TIAM2: variants seen among roughly 807,000 people sequenced by gnomAD.
TIAM2 encodes TIAM Rac1 associated GEF 2.
A neutral mutation model predicts 152.9 loss-of-function variants in TIAM2; 80 were observed. That is an observed-to-expected ratio of 0.52 (90% CI 0.44 to 0.63). The LOEUF (loss-of-function observed/expected upper bound fraction) is 0.63. Ranked by LOEUF, TIAM2 falls within the 30% of genes least tolerant of loss-of-function variation. The probability of loss-of-function intolerance (pLI) is 0.00; values close to 1 mark genes in which losing one functional copy is unlikely to be tolerated. For missense variants in TIAM2, 1,965 were observed against 2,120.1 expected, an observed-to-expected ratio of 0.93 and a Z score of 1.44; for synonymous variants, 804 against 838.0, an observed-to-expected ratio of 0.96 and a Z score of 0.70.
chr6:155,130,137 AT>A lies in TIAM2; in HGVS notation c.915del (p.Asp305GlufsTer25). On this transcript the variant is annotated frameshift_variant, in exon 4 of 27. Transcript: ENST00000682666. LOFTEE classifies it high-confidence loss of function. The part of the protein sequence containing the change: ...SLSSLRELYK[D>X]ANLGSLSPSG... ...TCCTCCCTCCGGGAACTGTACAAAG[AT>A]GCCAACCTGGGGAGCCTCTCCCCCT... 6.2e-7 allele frequency: 1 copy of A among 1,614,156 alleles called. No individual in the cohort carries two copies. Among genetic ancestry groups the A allele is most frequent in the Non-Finnish European group, 8.5e-7 (1 of 1,180,032 alleles).
intron 2 of TIAM2, among the ~76,000 whole-genome samples, chr6:155,101,031 C>A (rs1188895068): frequency 6.6e-6 from 1 of 152,146 alleles, no homozygotes; most frequent in Non-Finnish European, 1.5e-5. Flanking sequence ...TTCAGCATCA[C>A]ACGTGGGAGG....
chr6:155,031,902 A>T (rs1472108906), intron 1 of TIAM2, among the ~76,000 whole-genome samples: 2 of 152,192 alleles, frequency 1.3e-5, no homozygotes, highest in African/African-American at 2.4e-5. Flanking sequence ...GGGAACAAAA[A>T]GCACATTGTC....
At chr6:155,166,861 G>A (rs1346036574) in intron 9 of TIAM2, among the ~76,000 whole-genome samples, 2 of 152,202 alleles carry the variant, frequency 1.3e-5, no homozygotes, top group African/African-American at 2.4e-5. Context: ...CAGGTGAATA[G>A]GGAAATTGTT....
intron 15 of TIAM2, among the ~76,000 whole-genome samples, chr6:155,238,429 CACGTTTTCAGTT>C (rs1180281973): frequency 6.6e-6 from 1 of 152,206 alleles, no homozygotes; most frequent in Non-Finnish European, 1.5e-5. Flanking sequence ...AAGTTGCCTC[CACGTTTTCAGTT>C]ATGTTTTCAG....
chr6:155,251,263 G>A (rs914060407), intron 22 of TIAM2, among the ~76,000 whole-genome samples: 4 of 152,250 alleles, frequency 2.6e-5, no homozygotes, highest in Middle Eastern at 3.4e-3. Flanking sequence ...AGATCCCTGC[G>A]GCTATTTTGA....
chr6:155,251,893 T>C, intron 22 of TIAM2, 52 bp from the exon 23 acceptor site: 1 of 1,438,038 alleles, frequency 7.0e-7, no homozygotes, highest in Non-Finnish European at 9.7e-7. Context: ...TAGTTTAACC[T>C]TGGAAGAGTT....
chr6:155,141,370 CT>C (rs1449328199), intron 5 of TIAM2, among the ~76,000 whole-genome samples: 2 of 147,946 alleles, frequency 1.4e-5, no homozygotes, highest in Non-Finnish European at 3.0e-5. Flanking sequence ...TTGGTTTAAT[CT>C]TAGTTAAAAA....
chr6:155,098,341 C>T (rs985049269), intron 2 of TIAM2, among the ~76,000 whole-genome samples: 1 of 152,062 alleles, frequency 6.6e-6, no homozygotes, highest in African/African-American at 2.4e-5. Context: ...AATGTGTCCT[C>T]TTTGGTTTAT....
intron 1 of TIAM2, among the ~76,000 whole-genome samples, chr6:155,088,847 T>C (rs920993126): frequency 1.3e-5 from 2 of 152,232 alleles, no homozygotes; most frequent in African/African-American, 4.8e-5. Flanking sequence ...AGTGTTGATG[T>C]ATTTTAGATG....
intron 2 of TIAM2, among the ~76,000 whole-genome samples, chr6:155,111,499 T>C (rs1339975919): frequency 6.6e-6 from 1 of 152,114 alleles, no homozygotes; most frequent in Non-Finnish European, 1.5e-5. Context: ...AAAATAGAAA[T>C]TACAAGACAA....
chr6:155,151,706 G>A (rs1254309434), intron 7 of TIAM2, among the ~76,000 whole-genome samples: 1 of 152,152 alleles, frequency 6.6e-6, no homozygotes, highest in East Asian at 1.9e-4. Context: ...AAGGTGTCAG[G>A]CAGTGGAGTG....
chr6:155,182,373 A>C, intron 13 of TIAM2, 55 bp downstream of exon 13: 1 of 1,395,194 alleles, frequency 7.2e-7, no homozygotes, highest in Non-Finnish European at 1.0e-6. Context: ...TGTGGGATAC[A>C]GTCTGGCTAG....
chr6:155,128,444 T>C (rs1779350398), intron 3 of TIAM2, among the ~76,000 whole-genome samples: 1 of 152,174 alleles, frequency 6.6e-6, no homozygotes, highest in African/African-American at 2.4e-5. Flanking sequence ...CTCAAAATAC[T>C]GTGGAGAGAT....
intron 19 of TIAM2, among the ~76,000 whole-genome samples, chr6:155,247,593 G>A (rs1292862072): frequency 2.0e-5 from 3 of 152,256 alleles, no homozygotes; most frequent in Non-Finnish European, 4.4e-5. Context: ...CTCCCAAAGT[G>A]CTGGGATTAC....
At chr6:155,237,525 C>T (rs1190031861) in intron 15 of TIAM2, among the ~76,000 whole-genome samples, 1 of 152,252 alleles carries the variant, frequency 6.6e-6, no homozygotes, top group Non-Finnish European at 1.5e-5. Flanking sequence ...TTCTGCACTG[C>T]CCTAGTGGAG....
chr6:155,247,954 T>A, intron 19 of TIAM2, 46 bp from the exon 20 acceptor site: 1 of 1,563,450 alleles, frequency 6.4e-7, no homozygotes. Context: ...AGAATTTAAT[T>A]CACCCCACTG....
At chr6:155,127,322 A>G (rs1779317733) in intron 2 of TIAM2, among the ~76,000 whole-genome samples, 168 bp from the exon 3 acceptor site, 1 of 152,170 alleles carries the variant, frequency 6.6e-6, no homozygotes, top group Non-Finnish European at 1.5e-5. Flanking sequence ...TCTGGCTTCA[A>G]ATGACCCTGA....
Position 155,114,046 on chromosome 6 carries a change from T to A in TIAM2, c.-117-13444T>A, listed in dbSNP as rs1448663691. 2.4e-3 allele frequency among the ~76,000 whole-genome samples: 147 copies of A among 61,916 alleles called. 1 individual carries two copies. Among genetic ancestry groups the A allele is most frequent in the African/African-American group, 6.9e-3 (94 of 13,638 alleles). The allele number at this position is 61,916 out of a possible 152,430, so 40.6% of individuals were successfully genotyped here. A position where few individuals can be genotyped will look rare whatever the true frequency, so the allele number is the denominator to read the frequency against. On this transcript the variant is annotated intron_variant, in intron 2 of 26. Transcript: ENST00000682666. ...TATATATATATATATATTTTTTTTT[T>A]TTTCTTTTTTTTTTTTTTTTTTTTT...
At chr6:155,090,954 A>C (rs1325666181) in intron 2 of TIAM2, among the ~76,000 whole-genome samples, 1 of 152,126 alleles carries the variant, frequency 6.6e-6, no homozygotes, top group Non-Finnish European at 1.5e-5. Flanking sequence ...AAAGCAGGAA[A>C]GCTGAACAGT....
Sources: gnomAD v4.1 joint callset for allele counts (sites outside exome capture counted in the v4.1 genomes callset) on GRCh38, gnomAD v4.1.1 for gene constraint, MANE v1.5 for transcripts, NCBI Gene and HGNC (gene_info 2026-07-23, HGNC 2026-07-21) for gene names.